Variants in CNTNAP2 observed in about 807,000 individuals in gnomAD.
CNTNAP2 encodes the protein contactin associated protein 2.
Under a neutral mutation model 155.2 loss-of-function variants are expected in CNTNAP2, and 98 were observed. That is an observed-to-expected ratio of 0.63 (90% CI 0.54 to 0.75). The LOEUF (loss-of-function observed/expected upper bound fraction) is 0.75. Ranked by LOEUF, CNTNAP2 falls within the 30% of genes least tolerant of loss-of-function variation. CNTNAP2 has a pLI of 0.00. For synonymous variants in CNTNAP2, 651 were observed against 631.2 expected (o/e 1.03, Z -0.47); for missense variants, 1,727 against 1,688.1 (o/e 1.02, Z -0.40).
chr7:147,516,162 G>A (rs1307223022), intron 11 of CNTNAP2, among the ~76,000 whole-genome samples: 1 of 152,080 alleles, frequency 6.6e-6, no homozygotes, highest in Non-Finnish European at 1.5e-5. Context: ...CTCTTATAAT[G>A]TGATTGCCAA....
intron 4 of CNTNAP2, chr7:147,097,676 G>A (rs542007061): frequency 5.3e-5 from 8 of 152,190 alleles, no homozygotes; most frequent in Non-Finnish European, 1.0e-4. Flanking sequence ...AATTCAAGAT[G>A]AGATTTGGGT....
At chr7:147,738,116 G>A (rs1026731714) in intron 13 of CNTNAP2, among the ~76,000 whole-genome samples, 2 of 152,114 alleles carry the variant, frequency 1.3e-5, no homozygotes, top group Non-Finnish European at 1.5e-5. Context: ...CACTTACGCT[G>A]GGAGCTGTAG....
chr7:146,805,562 A>C (rs750957037), intron 2 of CNTNAP2, among the ~76,000 whole-genome samples: 2 of 152,200 alleles, frequency 1.3e-5, no homozygotes, highest in Non-Finnish European at 2.9e-5. Context: ...GCAGAATGAA[A>C]GAGGAAAGAA....
intron 13 of CNTNAP2, among the ~76,000 whole-genome samples, chr7:147,665,230 A>G (rs963765542): frequency 4.6e-5 from 7 of 152,144 alleles, no homozygotes; most frequent in Non-Finnish European, 5.9e-5. Flanking sequence ...AGAGTATTAG[A>G]TATACTGTTT....
intron 1 of CNTNAP2, among the ~76,000 whole-genome samples, chr7:146,299,558 A>G (rs1800571643): frequency 6.6e-6 from 1 of 151,696 alleles, no homozygotes; most frequent in South Asian, 2.1e-4. Flanking sequence ...TTTTTTAGTT[A>G]TTTTATTTTA....
At chr7:146,455,060 C>T (rs1380284894) in intron 1 of CNTNAP2, among the ~76,000 whole-genome samples, 1 of 152,078 alleles carries the variant, frequency 6.6e-6, no homozygotes, top group Non-Finnish European at 1.5e-5. Context: ...GGAGACTGCT[C>T]GGGCTCCTCT....
At chr7:146,681,192 A>T (rs1232549989) in intron 1 of CNTNAP2, among the ~76,000 whole-genome samples, 1 of 151,428 alleles carries the variant, frequency 6.6e-6, no homozygotes, top group African/African-American at 2.4e-5. Context: ...GAGAGAAATC[A>T]AACAGGGTGC....
At chr7:146,509,020 A>ACG (rs1563112706) in intron 1 of CNTNAP2, among the ~76,000 whole-genome samples, 2 of 152,120 alleles carry the variant, frequency 1.3e-5, no homozygotes, top group African/African-American at 4.8e-5. Context: ...AGCACCCTGC[A>ACG]CACAGATTGA....
chr7:147,164,392 C>CT (rs760453024), intron 8 of CNTNAP2, among the ~76,000 whole-genome samples: 66 of 152,322 alleles, frequency 4.3e-4, no homozygotes, highest in Non-Finnish European at 7.2e-4. Context: ...CTTGAAAAGA[C>CT]TTATAGAAAG....
chr7:147,586,575 G>A (rs1276911544), intron 12 of CNTNAP2, among the ~76,000 whole-genome samples: 87 of 78,876 alleles, frequency 1.1e-3, no homozygotes, highest in Middle Eastern at 5.4e-3. Context: ...GGGAGGGAGG[G>A]AGGGAAAGAG....
chr7:146,890,151 A>G lies in CNTNAP2; in HGVS notation c.402+50247A>G, dbSNP rs560828339. On this transcript the variant is annotated intron_variant, in intron 3 of 23. Coordinates refer to ENST00000361727, the MANE Select transcript of CNTNAP2 (RefSeq NM_014141.6). ...TGCCACCTGTGTCCCAAGGTCCTTC[A>G]TATTTAAAAAGTGGGAAAATGTATT... Among the ~76,000 whole-genome samples the G allele has an allele frequency of 5.9e-5, 9 of 152,290 alleles. No homozygotes were observed. In the South Asian group the frequency reaches 1.9e-3, roughly 32 times the overall value.
At chr7:146,502,231 A>ATG (rs201001456) in intron 1 of CNTNAP2, among the ~76,000 whole-genome samples, 6 of 64,966 alleles carry the variant, frequency 9.2e-5, no homozygotes, top group African/African-American at 3.2e-4. Flanking sequence ...ATGAATATAT[A>ATG]TATATATATA....
intron 1 of CNTNAP2, among the ~76,000 whole-genome samples, chr7:146,545,428 G>T (rs192792555): frequency 1.3e-5 from 2 of 151,716 alleles, no homozygotes; most frequent in Admixed American, 6.6e-5. Flanking sequence ...TGTCACGGTG[G>T]TTGGCTGCAC....
chr7:146,868,975 ACTT>A (rs1338621217), intron 3 of CNTNAP2, among the ~76,000 whole-genome samples: 2 of 152,180 alleles, frequency 1.3e-5, no homozygotes, highest in Non-Finnish European at 2.9e-5. Flanking sequence ...AGATAGTTTG[ACTT>A]CTTGTCTTCC....
At chr7:146,931,680 A>G (rs1217440965) in intron 3 of CNTNAP2, among the ~76,000 whole-genome samples, 2 of 150,310 alleles carry the variant, frequency 1.3e-5, no homozygotes, top group African/African-American at 4.9e-5. Context: ...CAAAATTGAT[A>G]GACCGCTAGC....
chr7:147,339,847 C>T (rs185180109), intron 9 of CNTNAP2, among the ~76,000 whole-genome samples: 1 of 152,036 alleles, frequency 6.6e-6, no homozygotes, highest in African/African-American at 2.4e-5. Context: ...AGAGATAATC[C>T]AGTAAATTGG....
intron 1 of CNTNAP2, among the ~76,000 whole-genome samples, chr7:146,735,694 C>CAT (rs887789785): frequency 3.3e-5 from 5 of 151,870 alleles, no homozygotes; most frequent in African/African-American, 9.7e-5. Flanking sequence ...TATGTATGTG[C>CAT]ATATATATAC....
intron 17 of CNTNAP2, among the ~76,000 whole-genome samples, chr7:148,149,873 T>A (rs191579885): frequency 1.4e-4 from 22 of 151,976 alleles, no homozygotes; most frequent in Non-Finnish European, 2.5e-4. Flanking sequence ...AATTTAGCAA[T>A]TGTAAAACCA....
Position 148,003,245 on chromosome 7 carries a change from C to T in CNTNAP2, c.2383+25256C>T, listed in dbSNP as rs142767075. On this transcript the variant is annotated intron_variant, in intron 15 of 23. Coordinates refer to ENST00000361727, the MANE Select transcript of CNTNAP2 (RefSeq NM_014141.6). ...CCTGCTAACCATTTCTTATCCCAGTCACCTGAAGGGATGAGATCAGAATTA... is the reference window on the plus strand; with the variant it reads ...CCTGCTAACCATTTCTTATCCCAGTTACCTGAAGGGATGAGATCAGAATTA... Among the ~76,000 whole-genome samples, 691 of 152,254 alleles carry T rather than the reference C, an allele frequency of 4.5e-3. 3 individuals are homozygous for T. Among genetic ancestry groups the T allele is most frequent in the African/African-American group, 0.016 (648 of 41,538 alleles).
Sources: gnomAD v4.1 joint callset for allele counts (sites outside exome capture counted in the v4.1 genomes callset) on GRCh38, gnomAD v4.1.1 for gene constraint, MANE v1.5 for transcripts, NCBI Gene and HGNC (gene_info 2026-07-23, HGNC 2026-07-21) for gene names.